Variants in EPB41L2 observed in about 807,000 individuals in gnomAD.
EPB41L2 encodes the protein band 4.1-like protein 2.
In EPB41L2, 43 loss-of-function variants were observed where a neutral mutation model predicts 113.0. The observed-to-expected ratio is 0.38, with a 90% confidence interval of 0.30 to 0.49. The LOEUF (loss-of-function observed/expected upper bound fraction) is 0.49, where lower values mean the gene tolerates loss of function less well. EPB41L2 is among the 20% of genes least tolerant of loss of function. The pLI is 0.95. For synonymous variants in EPB41L2, 442 were observed against 436.7 expected, an observed-to-expected ratio of 1.01 and a Z score of -0.15; for missense variants, 1,147 against 1,223.4, an observed-to-expected ratio of 0.94 and a Z score of 0.93.
chr6:131,035,196 C>G (rs1469692596), intron 1 of EPB41L2, among the ~76,000 whole-genome samples: 2 of 152,178 alleles, frequency 1.3e-5, no homozygotes, highest in Non-Finnish European at 2.9e-5. Flanking sequence ...TTCAGGACTA[C>G]TTAAGGAAGG....
At chr6:131,048,123 A>G (rs1795817067) in intron 1 of EPB41L2, among the ~76,000 whole-genome samples, 2 of 134,992 alleles carry the variant, frequency 1.5e-5, no homozygotes, top group South Asian at 5.1e-4. Flanking sequence ...TGGGCGACAG[A>G]GCAAGACTCT....
At chr6:131,051,860 C>T (rs9492792) in intron 1 of EPB41L2, among the ~76,000 whole-genome samples, 41,012 of 151,912 alleles carry the variant, frequency 0.27, 5,783 homozygotes, top group East Asian at 0.43. Flanking sequence ...AACTCACCTG[C>T]CATTTACACT....
intron 1 of EPB41L2, among the ~76,000 whole-genome samples, chr6:130,972,827 G>A (rs972562503): frequency 1.3e-5 from 2 of 150,516 alleles, no homozygotes; most frequent in African/African-American, 2.4e-5. Flanking sequence ...GGTGGCTCAC[G>A]CCTGTAATGT....
chr6:130,980,344 G>A (rs1310074884), intron 1 of EPB41L2, among the ~76,000 whole-genome samples: 1 of 152,094 alleles, frequency 6.6e-6, no homozygotes, highest in Non-Finnish European at 1.5e-5. Flanking sequence ...CTTTCGGTGG[G>A]AGAGATAGAG....
At chr6:131,034,715 A>G (rs779165041) in intron 1 of EPB41L2, among the ~76,000 whole-genome samples, 47 of 152,188 alleles carry the variant, frequency 3.1e-4, no homozygotes, top group Non-Finnish European at 6.5e-4. Flanking sequence ...CATTTTAAAA[A>G]AGGTTATTGA....
At chr6:130,938,719 T>C (rs754331310) in intron 3 of EPB41L2, among the ~76,000 whole-genome samples, 2 of 152,134 alleles carry the variant, frequency 1.3e-5, no homozygotes, top group Non-Finnish European at 2.9e-5. Context: ...AATAGTGAAA[T>C]TCTACCACTA....
chr6:130,927,080 A>G (rs1805012058), intron 3 of EPB41L2, among the ~76,000 whole-genome samples: 1 of 152,196 alleles, frequency 6.6e-6, no homozygotes, highest in Non-Finnish European at 1.5e-5. Context: ...ACTCCCCAGG[A>G]AAATCATTTA....
At chr6:130,861,597 T>C (rs1782075930) in intron 18 of EPB41L2, among the ~76,000 whole-genome samples, 1 of 152,046 alleles carries the variant, frequency 6.6e-6, no homozygotes, top group Admixed American at 6.6e-5. Context: ...GTTGGCCAGG[T>C]GTGGTAGCTC....
At chr6:131,028,470 T>A (rs1791353608) in intron 1 of EPB41L2, among the ~76,000 whole-genome samples, 2 of 152,230 alleles carry the variant, frequency 1.3e-5, no homozygotes, top group South Asian at 4.1e-4. Context: ...TGACTCTAGC[T>A]GTTTTATTAT....
At chr6:130,903,873 AG>A (rs1396745191) in intron 6 of EPB41L2, among the ~76,000 whole-genome samples, 2 of 152,158 alleles carry the variant, frequency 1.3e-5, no homozygotes, top group African/African-American at 4.8e-5. Flanking sequence ...TCAGGTACTC[AG>A]AATCAATAAA....
In EPB41L2 at chr6:130,887,976, T is replaced by C. The variant is rs538724233; in HGVS notation, c.1660+2318A>G. On this transcript the variant is annotated intron_variant, in intron 11 of 19. Transcript: ENST00000337057. ...GATTTTCATTTTGATATTTGATCTT[T>C]AGATTGAATCCCACTTTTCACTTGC... Among the ~76,000 whole-genome samples, 7 of 152,342 alleles carry C rather than the reference T, an allele frequency of 4.6e-5. No homozygotes were observed. The South Asian group carries it at 1.4e-3, about 32-fold the overall frequency.
Position 131,055,147 on chromosome 6 carries a change from A to C in EPB41L2, c.-15+8008T>G, listed in dbSNP as rs9492794. Among the ~76,000 whole-genome samples the C allele has an allele frequency of 6.2e-3, 942 of 152,264 alleles. 15 individuals are homozygous for C. Among genetic ancestry groups the C allele is most frequent in the African/African-American group, 0.021 (888 of 41,544 alleles). On this transcript the variant is annotated intron_variant, in intron 1 of 19. Coordinates refer to ENST00000337057, the MANE Select transcript of EPB41L2 (RefSeq NM_001431.4). ...CTCAGGGGAGCAGAAATCTGTCAAG[A>C]AGGGAGCTAGGGCACTGGTCTGCTG...
intron 3 of EPB41L2, among the ~76,000 whole-genome samples, chr6:130,952,975 C>T (rs528568197): frequency 1.2e-4 from 18 of 148,734 alleles, no homozygotes; most frequent in East Asian, 3.9e-4. Context: ...CCATAAAGTA[C>T]GTTGGTCAGT....
chr6:130,970,097 G>A (rs1369869350), intron 1 of EPB41L2, among the ~76,000 whole-genome samples: 3 of 152,054 alleles, frequency 2.0e-5, no homozygotes, highest in African/African-American at 2.4e-5. Flanking sequence ...ATTCCCTTGC[G>A]AAACAGTGTA....
intron 4 of EPB41L2, among the ~76,000 whole-genome samples, chr6:130,910,327 T>A (rs1345011274): frequency 1.3e-5 from 2 of 152,238 alleles, no homozygotes; most frequent in African/African-American, 4.8e-5. Flanking sequence ...GCTAGCCATA[T>A]GCCGAAAACT....
intron 1 of EPB41L2, among the ~76,000 whole-genome samples, chr6:130,990,914 C>A (rs1447996979): frequency 6.6e-6 from 1 of 151,626 alleles, no homozygotes; most frequent in Non-Finnish European, 1.5e-5. Context: ...GCAACCTCCA[C>A]CTCCAGGGTT....
intron 1 of EPB41L2, among the ~76,000 whole-genome samples, chr6:130,981,321 G>A (rs905068262): frequency 2.6e-5 from 4 of 152,116 alleles, no homozygotes; most frequent in African/African-American, 7.2e-5. Flanking sequence ...AGTTTGGGGA[G>A]GGGTGTTTTG....
At chr6:130,953,587 A>G (rs1170520130) in intron 3 of EPB41L2, among the ~76,000 whole-genome samples, 2 of 152,246 alleles carry the variant, frequency 1.3e-5, no homozygotes, top group African/African-American at 2.4e-5. Context: ...TAATGGGTGC[A>G]GCACACCAAC....
At chr6:130,987,418 C>T (rs561684701) in intron 1 of EPB41L2, among the ~76,000 whole-genome samples, 1 of 152,120 alleles carries the variant, frequency 6.6e-6, no homozygotes, top group African/African-American at 2.4e-5. Context: ...GAGGGTCAAG[C>T]GTGGTGGCTC....
Sources: gnomAD v4.1 joint callset for allele counts (sites outside exome capture counted in the v4.1 genomes callset) on GRCh38, gnomAD v4.1.1 for gene constraint, MANE v1.5 for transcripts, NCBI Gene and HGNC (gene_info 2026-07-23, HGNC 2026-07-21) for gene names.